KNDC1: variants seen among roughly 807,000 people sequenced by gnomAD.
KNDC1 encodes kinase non-catalytic C-lobe domain containing 1.
Under a neutral mutation model 172.8 loss-of-function variants are expected in KNDC1, and 106 were observed. The observed-to-expected ratio is 0.61, with a 90% CI of 0.52 to 0.72. KNDC1 has a LOEUF of 0.72. KNDC1 is among the 30% of genes least tolerant of loss of function. KNDC1 has a pLI of 0.00. For missense variants in KNDC1, 2,325 were observed against 2,394.5 expected, an observed-to-expected ratio of 0.97 and a Z score of 0.61; for synonymous variants, 1,083 against 1,062.2, an observed-to-expected ratio of 1.02 and a Z score of -0.38.
At chr10:133,222,503 G>C (rs1383801227) in intron 29 of KNDC1, among the ~76,000 whole-genome samples, 1 of 87,808 alleles carries the variant, frequency 1.1e-5, no homozygotes, top group Non-Finnish European at 2.5e-5. Flanking sequence ...GTGTGTGTGT[G>C]TGTGTGAGCC....
At chr10:133,171,327 T>C (rs1234226469) in intron 3 of KNDC1, among the ~76,000 whole-genome samples, 1 of 152,166 alleles carries the variant, frequency 6.6e-6, no homozygotes, top group Admixed American at 6.6e-5. Context: ...CTAGAGTGCA[T>C]TGGAGCAATC....
At chr10:133,160,631 G>A in intron 1 of KNDC1, 62 bp downstream of exon 1, 8 of 1,208,636 alleles carry the variant, frequency 6.6e-6, no homozygotes, top group Admixed American at 2.3e-5. Flanking sequence ...GAGAGCGCCC[G>A]GGGGGAGGAC....
Position 133,198,613 on chromosome 10 carries a change from A to G in KNDC1, c.2105A>G (p.Glu702Gly). Reference protein sequence around the residue: ...QPALAQEESEERGGQREGEGE... With the variant: ...QPALAQEESEGRGGQREGEGE... ...GCCTTGGCCCAGGAGGAGTCCGAGGAGAGGGGCGGCCAGAGGGAGGGAGAA... is the reference window on the plus strand; with the variant it reads ...GCCTTGGCCCAGGAGGAGTCCGAGGGGAGGGGCGGCCAGAGGGAGGGAGAA... The change falls in exon 14 of 30, where the codon GAG becomes GGG. Residue 702 changes from glutamate (E) to glycine (G), a missense_variant. Coordinates refer to ENST00000304613, the MANE Select transcript of KNDC1 (RefSeq NM_152643.8). The G allele has an allele frequency of 6.2e-7, 1 of 1,601,656 alleles. No individual in the cohort carries two copies.
At chr10:133,187,386 T>C (rs1048306038) in intron 6 of KNDC1, among the ~76,000 whole-genome samples, 1 of 152,242 alleles carries the variant, frequency 6.6e-6, no homozygotes, top group Non-Finnish European at 1.5e-5. Context: ...CATTTTGCCC[T>C]CCTTGGCTCC....
chr10:133,163,000 A>G (rs1853025569), intron 1 of KNDC1, among the ~76,000 whole-genome samples: 1 of 150,098 alleles, frequency 6.7e-6, no homozygotes, highest in African/African-American at 2.5e-5. Flanking sequence ...ATAGACAGGG[A>G]GATGTTCTGT....
At chr10:133,170,261 G>A (rs577255059) in intron 3 of KNDC1, among the ~76,000 whole-genome samples, 12 of 152,322 alleles carry the variant, frequency 7.9e-5, no homozygotes, top group East Asian at 3.9e-4. Flanking sequence ...GCAGGTGGAC[G>A]TACATCTGTT....
intron 17 of KNDC1, chr10:133,202,547 GGAGGGGCCCAGTGGC>G: frequency 6.6e-6 from 3 of 451,298 alleles, no homozygotes; most frequent in South Asian, 4.7e-5. Context: ...GTGGATGACA[GGAGGGGCCCAGTGGC>G]CATCAGCTCC....
rs1270876952 is a variant in KNDC1, at chr10:133,196,754, G to T, written c.1735-304G>T. Among the ~76,000 whole-genome samples the T allele has an allele frequency of 2.6e-5, 4 of 152,322 alleles. No homozygotes were observed. In the East Asian group the frequency reaches 7.7e-4, roughly 29 times the overall value. ...GAGTGGCCGGGGGCAGGGAGCGTGGGGCTCAGGCGAACGTGACCAAGGGCT... is the reference window on the plus strand; with the variant it reads ...GAGTGGCCGGGGGCAGGGAGCGTGGTGCTCAGGCGAACGTGACCAAGGGCT... On this transcript the variant is annotated intron_variant, in intron 10 of 29. Transcript: ENST00000304613.
At position 133,181,834 on chromosome 10, in the gene KNDC1, C is replaced by CCACACA. The variant is rs369062586; in HGVS notation, c.361-1488_361-1483dup. 3.5e-3 allele frequency among the ~76,000 whole-genome samples: 485 copies of CCACACA among 138,888 alleles called. 6 individuals carry two copies. Among genetic ancestry groups the CCACACA allele is most frequent in the African/African-American group, 0.011 (445 of 38,858 alleles). The allele number at this position is 138,888 out of a possible 152,430, so 91.1% of individuals were successfully genotyped here. A position where few individuals can be genotyped will look rare whatever the true frequency, so the allele number is the denominator to read the frequency against. ...CCAGACCAGGAAGCCCCAGGACCGT[C>CCACACA]CACACACACACACACACACACACAC... On this transcript the variant is annotated intron_variant, in intron 3 of 29. Transcript: ENST00000304613.
chr10:133,173,284 T>C (rs1203798841), intron 3 of KNDC1, among the ~76,000 whole-genome samples: 2 of 152,246 alleles, frequency 1.3e-5, no homozygotes, highest in African/African-American at 4.8e-5. Flanking sequence ...TTGATTCTTG[T>C]TTCTCATTCT....
At chr10:133,189,515 T>C (rs1854019790) in intron 7 of KNDC1, 83 bp from the exon 8 acceptor site, 7 of 1,354,438 alleles carry the variant, frequency 5.2e-6, no homozygotes. Context: ...CCGGCCTGAC[T>C]GAGGCTCCGC....
chr10:133,223,976 GGCGTGTGT>G (rs1845667494), intron 29 of KNDC1, among the ~76,000 whole-genome samples: 1 of 126,258 alleles, frequency 7.9e-6, no homozygotes, highest in Non-Finnish European at 1.6e-5. Flanking sequence ...TGCTCTTCCC[GGCGTGTGT>G]GTGTGTGTGT....
At chr10:133,208,633 C>A (rs1331351239) in intron 20 of KNDC1, among the ~76,000 whole-genome samples, 1 of 152,212 alleles carries the variant, frequency 6.6e-6, no homozygotes, top group Non-Finnish European at 1.5e-5. Context: ...TCACATGGGG[C>A]CACCTACTAG....
At chr10:133,217,606 T>C (rs12572730) in intron 26 of KNDC1, among the ~76,000 whole-genome samples, 9,496 of 59,262 alleles carry the variant, frequency 0.16, 1 homozygote, top group East Asian at 0.25. Flanking sequence ...TTTGGGAGTC[T>C]GAGGCAGGCA....
chr10:133,214,877 C>T (rs998903173), intron 26 of KNDC1, among the ~76,000 whole-genome samples: 3 of 152,218 alleles, frequency 2.0e-5, no homozygotes, highest in African/African-American at 4.8e-5. Context: ...TCGACCAGCT[C>T]ATCCTTCACG....
At chr10:133,182,815 C>T (rs565757559) in intron 3 of KNDC1, among the ~76,000 whole-genome samples, 4 of 152,336 alleles carry the variant, frequency 2.6e-5, no homozygotes, top group Admixed American at 6.5e-5. Context: ...GGCCCAACTG[C>T]GCGGGCGGCG....
chr10:133,219,313 T>TC (rs1468343815), intron 28 of KNDC1, among the ~76,000 whole-genome samples: 1 of 152,226 alleles, frequency 6.6e-6, no homozygotes, highest in Non-Finnish European at 1.5e-5. Flanking sequence ...GCCTTGCTGG[T>TC]CTGAGTTCCT....
chr10:133,210,716 G>T lies in KNDC1; in HGVS notation c.3900G>T (p.Thr1300=), dbSNP rs756781058. The T allele has an allele frequency of 6.2e-7, 1 of 1,612,434 alleles. No individual in the cohort carries two copies. The highest frequency in any genetic ancestry group is 1.7e-5 in the Admixed American group (1 of 60,010). The part of the protein sequence containing the change: ...LHFLLDRINS[T]LTRAHQDPTS... ...TCCTCCTCGACCGCATCAACAGCAC[G>T]CTGACCAGGTACCAAGCTCCACAGC... The change falls in exon 21 of 30, where the codon ACG becomes ACT. Residue 1300 remains threonine (T), a synonymous_variant. Coordinates refer to ENST00000304613, the MANE Select transcript of KNDC1 (RefSeq NM_152643.8).
At chr10:133,214,682 T>G (rs941419736) in intron 26 of KNDC1, among the ~76,000 whole-genome samples, 13 of 152,118 alleles carry the variant, frequency 8.5e-5, no homozygotes, top group Admixed American at 8.5e-4. Flanking sequence ...TCATTGTGGG[T>G]TCTTAGTCTG....
Sources: allele counts gnomAD v4.1 joint callset (sites outside exome capture counted in the v4.1 genomes callset), GRCh38; gene constraint gnomAD v4.1.1; transcripts MANE v1.5; gene names NCBI Gene and HGNC (gene_info 2026-07-23, HGNC 2026-07-21).